The following TRHDE variants were observed in gnomAD, a reference collection of about 807,000 sequenced individuals.
TRHDE encodes thyrotropin releasing hormone degrading enzyme.
Under a neutral mutation model 125.7 loss-of-function variants are expected in TRHDE, and 72 were observed. The ratio of observed to expected loss-of-function variants is 0.57; its 90% confidence interval spans 0.47 to 0.70. TRHDE has a LOEUF of 0.70. TRHDE is among the 30% of genes least tolerant of loss of function. TRHDE has a pLI of 0.00. For missense variants in TRHDE, 1,110 were observed against 1,327.1 expected (o/e 0.84, Z 2.54); for synonymous variants, 509 against 509.1 (o/e 1.00, Z 0.00).
rs376249991 is a variant in TRHDE, at chr12:72,520,307, A to G, written c.1722+20672A>G. ...CAATCAGCGAGACTCCGTGGGCGTA[A>G]GACCCTCCGAGCCAGGTGCGGGATA... On this transcript the variant is annotated intron_variant, in intron 6 of 18. Coordinates refer to ENST00000261180, the MANE Select transcript of TRHDE (RefSeq NM_013381.3). Among the ~76,000 whole-genome samples, 247 of 152,236 alleles carry G rather than the reference A, an allele frequency of 1.6e-3. 2 individuals are homozygous for G. The highest frequency in any genetic ancestry group is 5.8e-3 in the African/African-American group (240 of 41,556).
rs776230430 is a variant in TRHDE, at chr12:72,273,311, G to A, written c.668G>A (p.Arg223His). 22 of 1,613,686 alleles carry A rather than the reference G, an allele frequency of 1.4e-5. No individual in the cohort carries two copies. The highest frequency in any genetic ancestry group is 1.9e-5 in the Non-Finnish European group (22 of 1,179,958). The change falls in exon 1 of 19, where the codon CGC (arginine) becomes CAC (histidine). Residue 223 changes from arginine (R) to histidine (H), a missense_variant. Physicochemically the swap from Arg to His is conservative, Grantham distance 29. Transcript: ENST00000261180. The surrounding 1 kb of genome is among the most constrained non-coding windows in gnomAD (Gnocchi z 5.3). ...NVEIACRNAT[R>H]YVVLHASRVA... ...GAGATCGCGTGCCGGAACGCCACCC[G>A]CTACGTAGTGCTGCACGCTTCCCGA... is the stretch of plus-strand genomic sequence containing the variant.
chr12:72,215,200 GT>G (rs767711959), intron 2 of TRHDE, among the ~76,000 whole-genome samples: 1 of 63,310 alleles, frequency 1.6e-5, no homozygotes, highest in Non-Finnish European at 3.7e-5. Flanking sequence ...GCAGGCAGGA[GT>G]GGGGGTCGCA....
intron 3 of TRHDE, among the ~76,000 whole-genome samples, chr12:72,424,311 T>C (rs2135831015): frequency 6.6e-6 from 1 of 152,262 alleles, no homozygotes; most frequent in African/African-American, 2.4e-5. Flanking sequence ...TCTTTCATGC[T>C]GTTTTCCTTT....
chr12:72,516,566 G>A (rs1188826896), intron 6 of TRHDE, among the ~76,000 whole-genome samples: 1 of 152,128 alleles, frequency 6.6e-6, no homozygotes, highest in Non-Finnish European at 1.5e-5. Flanking sequence ...GGGTTTTCTA[G>A]ATATACAATC....
At chr12:72,136,288 C>T (rs1176592429) in intron 2 of TRHDE, among the ~76,000 whole-genome samples, 1 of 152,116 alleles carries the variant, frequency 6.6e-6, no homozygotes, top group Non-Finnish European at 1.5e-5. Flanking sequence ...ATAACAGCCT[C>T]TGAATTGCAT....
chr12:72,394,268 G>A (rs1280245977), intron 3 of TRHDE, among the ~76,000 whole-genome samples: 16 of 152,122 alleles, frequency 1.1e-4, no homozygotes, highest in Non-Finnish European at 2.1e-4. Context: ...TTCTGGAAAT[G>A]CCACTTACAA....
intron 2 of TRHDE, among the ~76,000 whole-genome samples, chr12:72,308,676 A>AT (rs1408865138): frequency 6.6e-6 from 1 of 152,154 alleles, no homozygotes; most frequent in East Asian, 1.9e-4. Context: ...TTATACACTC[A>AT]TTTTTTAAAA....
At chr12:72,158,640 A>G (rs1876570555) in intron 2 of TRHDE, among the ~76,000 whole-genome samples, 1 of 152,118 alleles carries the variant, frequency 6.6e-6, no homozygotes. Context: ...AAGACTATTC[A>G]TCTTTTTCTG....
At chr12:72,504,372 C>T (rs1265418277) in intron 6 of TRHDE, among the ~76,000 whole-genome samples, 1 of 150,672 alleles carries the variant, frequency 6.6e-6, no homozygotes, top group East Asian at 2.0e-4. Context: ...GGCATGATCT[C>T]AGCTCACTGT....
Position 72,286,788 on chromosome 12 carries a change from C to A in TRHDE, c.1022C>A (p.Ala341Glu), listed in dbSNP as rs1252019761. ...ATFKISIKHQ[A>E]TYLSLSNMPV... ...TTCAAAATCAGCATCAAGCATCAAG[C>A]AACCTATTTATCTTTATCTAATATG... Residue 341 changes from alanine to glutamate, a missense_variant, in exon 2 of 19, where the codon GCA becomes GAA. Ala to Glu is a moderately radical substitution (Grantham distance 107). Around this residue, in one of 5 missense-constraint regions of TRHDE, gnomAD observed 252 missense variants for 274.8 expected, o/e 0.92. Coordinates refer to ENST00000261180, the MANE Select transcript of TRHDE (RefSeq NM_013381.3). The A allele has an allele frequency of 1.2e-6, 2 of 1,613,850 alleles. No homozygotes were observed. Among genetic ancestry groups the A allele is most frequent in the Admixed American group, 1.7e-5 (1 of 59,976 alleles).
intron 2 of TRHDE, among the ~76,000 whole-genome samples, chr12:72,169,835 A>G (rs2628425): frequency 0.91 from 138,762 of 152,206 alleles, 63,383 homozygotes; most frequent in East Asian, 1. Flanking sequence ...TGGGGTTAGA[A>G]CTTCAATATA....
chr12:72,329,334 G>A (rs560808891), intron 2 of TRHDE, among the ~76,000 whole-genome samples: 1 of 152,266 alleles, frequency 6.6e-6, no homozygotes, highest in South Asian at 2.1e-4. Context: ...CAGGAAACAA[G>A]CAATTTTAAA....
At chr12:72,498,668 AAAAC>A (rs1271791088) in intron 5 of TRHDE, among the ~76,000 whole-genome samples, 1 of 152,216 alleles carries the variant, frequency 6.6e-6, no homozygotes, top group Admixed American at 6.5e-5. Context: ...CAGACTTTCT[AAAAC>A]AAACAAACCA....
At chr12:72,375,504 T>C (rs1871837318) in intron 2 of TRHDE, among the ~76,000 whole-genome samples, 1 of 152,202 alleles carries the variant, frequency 6.6e-6, no homozygotes, top group Non-Finnish European at 1.5e-5. Context: ...TTGATAGGAA[T>C]GGCTGTGTTT....
At chr12:72,133,914 T>G (rs1040300500) in intron 2 of TRHDE, among the ~76,000 whole-genome samples, 1 of 152,198 alleles carries the variant, frequency 6.6e-6, no homozygotes, top group African/African-American at 2.4e-5. Context: ...GCACTGGAGA[T>G]AGGTGATGTT....
intron 18 of TRHDE, among the ~76,000 whole-genome samples, chr12:72,662,777 A>G (rs540638893): frequency 6.6e-6 from 1 of 152,042 alleles, no homozygotes; most frequent in African/African-American, 2.4e-5. Flanking sequence ...ATCATGAAAC[A>G]TGAAGCTGAA....
At chr12:72,221,490 T>C (rs1294491412) in intron 2 of TRHDE, among the ~76,000 whole-genome samples, 1 of 152,070 alleles carries the variant, frequency 6.6e-6, no homozygotes, top group African/African-American at 2.4e-5. Context: ...ATAACACTAC[T>C]GAAATGGCAA....
At chr12:72,243,219 A>T (rs1229317589) in intron 2 of TRHDE, among the ~76,000 whole-genome samples, 2 of 152,186 alleles carry the variant, frequency 1.3e-5, no homozygotes, top group African/African-American at 4.8e-5. Flanking sequence ...TTCCCCTTTA[A>T]GCTTTTTTGA....
intron 2 of TRHDE, among the ~76,000 whole-genome samples, chr12:72,294,107 G>A (rs1880196087): frequency 6.6e-6 from 1 of 152,194 alleles, no homozygotes; most frequent in Admixed American, 6.5e-5. Context: ...CACAGCCCTG[G>A]CTCAGGGAGT....
Sources: allele counts gnomAD v4.1 joint callset (sites outside exome capture counted in the v4.1 genomes callset), GRCh38; gene constraint gnomAD v4.1.1; regional missense constraint gnomAD v4.1.1; non-coding constraint Gnocchi (gnomAD v3.1); transcripts MANE v1.5; gene names NCBI Gene and HGNC (gene_info 2026-07-23, HGNC 2026-07-21).